TSGA10: variants seen among roughly 807,000 people sequenced by gnomAD.
TSGA10 encodes testis specific 10.
Under a neutral mutation model 96.6 loss-of-function variants are expected in TSGA10, and 43 were observed. The ratio of observed to expected loss-of-function variants is 0.44; its 90% CI spans 0.35 to 0.57. The LOEUF (loss-of-function observed/expected upper bound fraction) is 0.57, where lower values mean the gene tolerates loss of function less well. Among genes scored for constraint, TSGA10 ranks in the 20% least tolerant of loss-of-function variants. The pLI is 0.01. For synonymous variants in TSGA10, 229 were observed against 269.9 expected (o/e 0.85, Z 1.48); for missense variants, 703 against 834.4 (o/e 0.84, Z 1.94).
At chr2:99,075,266 C>A (rs1386877762) in intron 12 of TSGA10, among the ~76,000 whole-genome samples, 1 of 152,064 alleles carries the variant, frequency 6.6e-6, no homozygotes, top group East Asian at 1.9e-4. Flanking sequence ...TTTAATATTT[C>A]TTATTCAACC....
At chr2:99,043,356 AGAAT>A (rs1315450869) in intron 16 of TSGA10, among the ~76,000 whole-genome samples, 1 of 152,152 alleles carries the variant, frequency 6.6e-6, no homozygotes, top group Non-Finnish European at 1.5e-5. Flanking sequence ...GAAAAAAAGC[AGAAT>A]GAAGAAAAAT....
chr2:99,026,863 C>T (rs912326433), intron 17 of TSGA10, among the ~76,000 whole-genome samples: 6 of 152,134 alleles, frequency 3.9e-5, no homozygotes, highest in African/African-American at 1.4e-4. Context: ...CGGTCCCCAA[C>T]CTTTTTGTCA....
At chr2:99,101,122 G>A (rs1288254940) in intron 10 of TSGA10, among the ~76,000 whole-genome samples, 3 of 149,938 alleles carry the variant, frequency 2.0e-5, no homozygotes, top group African/African-American at 7.3e-5. Context: ...AAAATCAGCC[G>A]GGCGTGGTGG....
At chr2:99,102,823 A>G (rs1031785381) in intron 10 of TSGA10, 1 of 1,211,044 alleles carries the variant, frequency 8.3e-7, no homozygotes, top group Non-Finnish European at 1.2e-6. Flanking sequence ...AACTGTAAAT[A>G]TAAACCTAAA....
chr2:99,012,772 T>C (rs2079110114), intron 20 of TSGA10, among the ~76,000 whole-genome samples: 2 of 152,146 alleles, frequency 1.3e-5, no homozygotes, highest in Admixed American at 1.3e-4. Context: ...AGACAGGTCA[T>C]CAATACAGAA....
intron 15 of TSGA10, 21 bp downstream of exon 15, chr2:99,068,867 A>G (rs760409793): frequency 1.5e-6 from 2 of 1,293,448 alleles, no homozygotes; most frequent in South Asian, 2.0e-5. Context: ...TCATGAGCAA[A>G]AAGAAAAAAA....
At chr2:99,060,436 A>G (rs1333903124) in intron 16 of TSGA10, among the ~76,000 whole-genome samples, 1 of 152,188 alleles carries the variant, frequency 6.6e-6, no homozygotes, top group East Asian at 1.9e-4. Flanking sequence ...AGAGAAATAA[A>G]AGACCTGCCT....
chr2:99,010,952 A>G (rs1463121501), intron 20 of TSGA10, among the ~76,000 whole-genome samples: 1 of 152,092 alleles, frequency 6.6e-6, no homozygotes, highest in East Asian at 1.9e-4. Context: ...GCTATTCCCC[A>G]CTTCTCTGGC....
chr2:99,097,364 T>G lies in TSGA10; in HGVS notation c.611+6603A>C, dbSNP rs1428288552. On this transcript the variant is annotated intron_variant, in intron 10 of 20. Transcript: ENST00000393483. ...AATGAAGGGCAATGAAAAGAATAAA[T>G]GTACAGGTAAATCTAAACAAATATT... Among the ~76,000 whole-genome samples the G allele has an allele frequency of 5.9e-5, 9 of 152,108 alleles. No homozygotes were observed. In the East Asian group the frequency reaches 1.7e-3, roughly 29 times the overall value.
intron 17 of TSGA10, among the ~76,000 whole-genome samples, chr2:99,029,140 T>C (rs2080916770): frequency 6.6e-6 from 1 of 152,202 alleles, no homozygotes; most frequent in Non-Finnish European, 1.5e-5. Context: ...AAATCCATTG[T>C]AGCCTAAGGT....
In TSGA10 at chr2:99,093,860, T is replaced by A. The variant is rs150630893; in HGVS notation, c.611+10107A>T. The stretch of plus-strand genomic sequence containing the variant: ...ATATACAAATTCAATGCAATTCCCA[T>A]CAAAATAACACCATCTTTCTTCACA... On this transcript the variant is annotated intron_variant, in intron 10 of 20. Transcript: ENST00000393483. Among the ~76,000 whole-genome samples the A allele has an allele frequency of 3.7e-4, 57 of 152,086 alleles. No individual in the cohort carries two copies. In the East Asian group the frequency reaches 6.4e-3, roughly 17 times the overall value.
rs141546622 is a variant in TSGA10, at chr2:99,045,469, T to C, written c.1405-10030A>G. 2.3e-3 allele frequency among the ~76,000 whole-genome samples: 349 copies of C among 152,290 alleles called. 7 individuals are homozygous for C. In the East Asian group the frequency reaches 0.061, roughly 27 times the overall value. ...AAAGAATTTTCAACGCAGAATTTCA[T>C]ATCCAGCCAAACCAAGCTTCAAAAG... On this transcript the variant is annotated intron_variant, in intron 16 of 20. Coordinates refer to ENST00000393483, the MANE Select transcript of TSGA10 (RefSeq NM_025244.4).
At chr2:99,021,074 A>G (rs917279366) in intron 17 of TSGA10, among the ~76,000 whole-genome samples, 2 of 151,728 alleles carry the variant, frequency 1.3e-5, no homozygotes, top group Admixed American at 1.3e-4. Context: ...CAGTGAGACA[A>G]ATGTTTTTTA....
chr2:99,151,333 G>T, intron 1 of TSGA10: 1 of 152,348 alleles, frequency 6.6e-6, no homozygotes, highest in Non-Finnish European at 1.5e-5. Flanking sequence ...CATGGTGGTG[G>T]GCACCTGTGA....
At chr2:99,050,685 T>G (rs572400633) in intron 16 of TSGA10, among the ~76,000 whole-genome samples, 2 of 152,022 alleles carry the variant, frequency 1.3e-5, no homozygotes, top group African/African-American at 2.4e-5. Flanking sequence ...CACAAAAAAA[T>G]TTTTTAATGT....
At chr2:99,068,768 T>G in intron 15 of TSGA10, 120 bp downstream of exon 15, 1 of 433,492 alleles carries the variant, frequency 2.3e-6, no homozygotes, top group Non-Finnish European at 4.1e-6. Context: ...TTGTCAAAAC[T>G]AAAATATACT....
At chr2:99,077,921 C>A (rs1030097019) in intron 12 of TSGA10, among the ~76,000 whole-genome samples, 1 of 151,956 alleles carries the variant, frequency 6.6e-6, no homozygotes, top group Non-Finnish European at 1.5e-5. Flanking sequence ...GGTTATCATC[C>A]AGCTTTATTC....
intron 13 of TSGA10, 33 bp from the exon 14 acceptor site, chr2:99,071,907 G>A (rs374367770): frequency 7.1e-6 from 11 of 1,554,172 alleles, no homozygotes; most frequent in Non-Finnish European, 9.6e-6. Context: ...CATAAGAAGA[G>A]ACATTTTACT....
chr2:99,149,685 A>G (rs11684507), intron 1 of TSGA10, among the ~76,000 whole-genome samples: 88,977 of 149,384 alleles, frequency 0.6, 27,236 homozygotes, highest in East Asian at 0.88. Context: ...CTCGTGATCC[A>G]CCCACCTCAG....
Sources: gnomAD v4.1 joint callset for allele counts (sites outside exome capture counted in the v4.1 genomes callset) on GRCh38, gnomAD v4.1.1 for gene constraint, MANE v1.5 for transcripts, NCBI Gene and HGNC (gene_info 2026-07-23, HGNC 2026-07-21) for gene names.